The following TTC33 variants were observed in gnomAD, a reference collection of about 807,000 sequenced individuals.
TTC33 encodes the protein tetratricopeptide repeat protein 33.
In TTC33, 24 loss-of-function variants were observed where a neutral mutation model predicts 29.4. That is an observed-to-expected ratio of 0.82 (90% CI 0.59 to 1.15). The LOEUF (loss-of-function observed/expected upper bound fraction) is 1.15, where lower values mean the gene tolerates loss of function less well. Among genes scored for constraint, TTC33 ranks in the 50% most tolerant of loss-of-function variants. The pLI is 0.00. For synonymous variants in TTC33, 107 were observed against 100.3 expected, an observed-to-expected ratio of 1.07 and a Z score of -0.40; for missense variants, 286 against 310.4, an observed-to-expected ratio of 0.92 and a Z score of 0.59.
intron 4 of TTC33, among the ~76,000 whole-genome samples, chr5:40,726,019 T>C (rs1034174361): frequency 2.0e-5 from 3 of 151,634 alleles, no homozygotes; most frequent in Non-Finnish European, 4.4e-5. Context: ...TCTCCTGACC[T>C]TGTGATCCGC....
chr5:40,752,081 A>C (rs1742906701), intron 1 of TTC33, among the ~76,000 whole-genome samples: 1 of 152,224 alleles, frequency 6.6e-6, no homozygotes, highest in Non-Finnish European at 1.5e-5. Flanking sequence ...CATGTTATGA[A>C]AATGGCTTCT....
intron 4 of TTC33, among the ~76,000 whole-genome samples, chr5:40,724,846 C>A (rs1742241825): frequency 1.4e-5 from 2 of 143,492 alleles, no homozygotes; most frequent in East Asian, 4.0e-4. Flanking sequence ...TAAAAATTTA[C>A]AAGTGGATTT....
chr5:40,751,821 G>A (rs1357466748), intron 1 of TTC33, among the ~76,000 whole-genome samples: 1 of 152,144 alleles, frequency 6.6e-6, no homozygotes, highest in Non-Finnish European at 1.5e-5. Flanking sequence ...GCTGGGCGTG[G>A]TGGCGCACGC....
At chr5:40,740,790 T>G (rs1179211421) in intron 2 of TTC33, among the ~76,000 whole-genome samples, 2 of 152,192 alleles carry the variant, frequency 1.3e-5, no homozygotes, top group African/African-American at 4.8e-5. Context: ...CCACCCCATG[T>G]CCTCTCATAC....
rs868612520 is a variant in TTC33, at chr5:40,751,195, G to A, written c.-1-4176C>T. Among the ~76,000 whole-genome samples, 24 of 152,292 alleles carry A rather than the reference G, an allele frequency of 1.6e-4. No individual in the cohort carries two copies. In the South Asian group the frequency reaches 1.7e-3, roughly 11 times the overall value. Reference sequence around the variant, plus strand: ...ACAAAATGTATTTCTTCAATAGTAAGACTTGAAAGTGAAAATTGCTCCTTG... The same window carrying A: ...ACAAAATGTATTTCTTCAATAGTAAAACTTGAAAGTGAAAATTGCTCCTTG... On this transcript the variant is annotated intron_variant, in intron 1 of 4. Transcript: ENST00000337702.
intron 1 of TTC33, among the ~76,000 whole-genome samples, chr5:40,750,710 T>C (rs1415128279): frequency 6.6e-6 from 1 of 152,226 alleles, no homozygotes; most frequent in Non-Finnish European, 1.5e-5. Flanking sequence ...ACTGTCAAAC[T>C]CTGCCACTGC....
intron 4 of TTC33, among the ~76,000 whole-genome samples, chr5:40,723,250 G>C (rs1269781060): frequency 6.6e-6 from 1 of 152,000 alleles, no homozygotes; most frequent in African/African-American, 2.4e-5. Flanking sequence ...CTCCTTAAGA[G>C]TCATCACCAC....
intron 1 of TTC33, among the ~76,000 whole-genome samples, chr5:40,747,421 C>A (rs1742817460): frequency 6.6e-6 from 1 of 152,094 alleles, no homozygotes; most frequent in Admixed American, 6.6e-5. Flanking sequence ...CAGGATTAGA[C>A]TATCACCATT....
rs1263134245 is a variant in TTC33, at chr5:40,755,840, C to A, written c.-18G>T. Reference sequence around the variant, plus strand: ...AATTCCTACCTGCCTTCCCTGGATTCCTGGTTTCCTAAGAAACGGGTTTGG... The same window carrying A: ...AATTCCTACCTGCCTTCCCTGGATTACTGGTTTCCTAAGAAACGGGTTTGG... On this transcript the variant is annotated 5_prime_UTR_variant, in exon 1 of 5. Coordinates refer to ENST00000337702, the MANE Select transcript of TTC33 (RefSeq NM_012382.3). The A allele has an allele frequency of 6.6e-6, 1 of 152,554 alleles. No homozygotes were observed. Among genetic ancestry groups the A allele is most frequent in the Admixed American group, 6.5e-5 (1 of 15,292 alleles). 9.5% of individuals were successfully genotyped at this position (152,554 alleles called of 1,614,324 possible). A position where few individuals can be genotyped will look rare whatever the true frequency, so the allele number is the denominator to read the frequency against.
chr5:40,728,131 A>G (rs1406985419), intron 4 of TTC33, among the ~76,000 whole-genome samples: 1 of 151,802 alleles, frequency 6.6e-6, no homozygotes, highest in Non-Finnish European at 1.5e-5. Flanking sequence ...AAAATACAAA[A>G]ACATTAGCCA....
chr5:40,731,796 C>T (rs146284041), intron 2 of TTC33, among the ~76,000 whole-genome samples: 369 of 152,318 alleles, frequency 2.4e-3, no homozygotes, highest in African/African-American at 8.5e-3. Context: ...AAGGCTCCTC[C>T]TCTAAGACCA....
chr5:40,742,867 A>G (rs1045171528), intron 2 of TTC33, among the ~76,000 whole-genome samples: 2 of 152,194 alleles, frequency 1.3e-5, no homozygotes, highest in Admixed American at 1.3e-4. Context: ...TATTCTATAG[A>G]TATCATGCAG....
At chr5:40,752,450 TGA>T (rs1742913416) in intron 1 of TTC33, among the ~76,000 whole-genome samples, 1 of 152,228 alleles carries the variant, frequency 6.6e-6, no homozygotes, top group South Asian at 2.1e-4. Flanking sequence ...TGATTTAAAA[TGA>T]GAGATGTGTA....
intron 4 of TTC33, 54 bp from the exon 5 acceptor site, chr5:40,716,552 A>G: frequency 8.4e-7 from 1 of 1,189,250 alleles, no homozygotes; most frequent in Non-Finnish European, 1.2e-6. Flanking sequence ...AGTATGTTTA[A>G]TACAATCCTG....
chr5:40,736,021 CAAG>C (rs1374052201), intron 2 of TTC33, among the ~76,000 whole-genome samples: 9 of 152,036 alleles, frequency 5.9e-5, no homozygotes, highest in Non-Finnish European at 1.3e-4. Context: ...TGCATGCCAG[CAAG>C]AAGGACCGAG....
intron 2 of TTC33, among the ~76,000 whole-genome samples, chr5:40,744,054 TG>T (rs1407477353): frequency 6.6e-6 from 1 of 152,238 alleles, no homozygotes; most frequent in Non-Finnish European, 1.5e-5. Context: ...CACACATTAG[TG>T]TGGTTAAAAG....
intron 1 of TTC33, 57 bp from the exon 2 acceptor site, chr5:40,747,076 G>A: frequency 7.3e-7 from 1 of 1,362,984 alleles, no homozygotes; most frequent in South Asian, 1.3e-5. Flanking sequence ...TTTTTTTTTT[G>A]AGATGGAGTC....
At position 40,715,053 on chromosome 5, in the gene TTC33, T is replaced by C. The variant is rs994146454; in HGVS notation, c.*1092A>G. 2.0e-5 allele frequency: 3 copies of C among 152,120 alleles called. No homozygotes were observed. Among genetic ancestry groups the C allele is most frequent in the African/African-American group, 7.2e-5 (3 of 41,472 alleles). The allele number at this position is 152,120 out of a possible 1,614,324, so 9.4% of individuals were successfully genotyped here. ...TTTTAATATAGCCTTTTCATACTCATGAGATTGTACTATAAATCACATTCC... is the reference window on the plus strand; with the variant it reads ...TTTTAATATAGCCTTTTCATACTCACGAGATTGTACTATAAATCACATTCC... On this transcript the variant is annotated 3_prime_UTR_variant, in exon 5 of 5. Transcript: ENST00000337702.
At chr5:40,733,219 T>C (rs11746359) in intron 2 of TTC33, among the ~76,000 whole-genome samples, 110 of 152,220 alleles carry the variant, frequency 7.2e-4, no homozygotes, top group Non-Finnish European at 1.4e-3. Flanking sequence ...CTTAAGAACC[T>C]GGATGTTTGA....
Sources: gnomAD v4.1 joint callset for allele counts (sites outside exome capture counted in the v4.1 genomes callset) on GRCh38, gnomAD v4.1.1 for gene constraint, MANE v1.5 for transcripts, NCBI Gene and HGNC (gene_info 2026-07-23, HGNC 2026-07-21) for gene names.